The following DOCK9 variants were observed in gnomAD, a reference collection of about 807,000 sequenced individuals.
DOCK9 encodes the protein dedicator of cytokinesis protein 9.
In DOCK9, 89 loss-of-function variants were observed where a neutral mutation model predicts 263.3. The observed-to-expected ratio is 0.34, with a 90% CI of 0.28 to 0.40. The LOEUF is 0.40. Among genes scored for constraint, DOCK9 ranks in the 10% least tolerant of loss-of-function variants. The pLI is 1.00. For synonymous variants in DOCK9, 976 were observed against 973.1 expected, an observed-to-expected ratio of 1.00 and a Z score of -0.06; for missense variants, 2,140 against 2,603.4, an observed-to-expected ratio of 0.82 and a Z score of 3.87.
intron 18 of DOCK9, among the ~76,000 whole-genome samples, chr13:98,887,141 A>ATTTTTTTTTTTTTTTTTTTTTTTTT (rs1335567169): frequency 5.0e-5 from 3 of 59,618 alleles, no homozygotes; most frequent in Non-Finnish European, 8.9e-5. Flanking sequence ...ATATATATAT[A>ATTTTTTTTTTTTTTTTTTTTTTTTT]TATTTTTTTT....
chr13:98,904,602 T>C, intron 10 of DOCK9, 30 bp downstream of exon 10: 2 of 1,491,802 alleles, frequency 1.3e-6, no homozygotes, highest in South Asian at 1.3e-5. Flanking sequence ...ACATTTGGTT[T>C]TAAATATTAA....
intron 3 of DOCK9, among the ~76,000 whole-genome samples, chr13:98,927,282 C>T (rs776219461): frequency 7.9e-5 from 12 of 152,152 alleles, no homozygotes; most frequent in Non-Finnish European, 1.8e-4. Context: ...TTTTGAGTAT[C>T]ATACATTCAC....
intron 18 of DOCK9, among the ~76,000 whole-genome samples, chr13:98,887,143 A>ATTTTTTTTTTTT (rs58434344): frequency 3.1e-5 from 3 of 95,292 alleles, no homozygotes; most frequent in Non-Finnish European, 4.0e-5. Context: ...ATATATATAT[A>ATTTTTTTTTTTT]TTTTTTTTTT....
At chr13:99,021,414 T>C (rs1023706111) in intron 1 of DOCK9, among the ~76,000 whole-genome samples, 3 of 152,042 alleles carry the variant, frequency 2.0e-5, no homozygotes, top group African/African-American at 7.2e-5. Context: ...CCAAGGCGGA[T>C]GGATCACGAG....
chr13:98,976,852 G>A (rs1333106394), intron 1 of DOCK9, among the ~76,000 whole-genome samples: 1 of 152,050 alleles, frequency 6.6e-6, no homozygotes, highest in African/African-American at 2.4e-5. Flanking sequence ...GAAAGTTTAA[G>A]TTCAGATTCT....
intron 33 of DOCK9, chr13:98,859,109 C>T (rs562528679): frequency 2.8e-4 from 43 of 152,360 alleles, no homozygotes; most frequent in African/African-American, 9.9e-4. Flanking sequence ...ATCTGTCTGA[C>T]TTTAAAGCTA....
chr13:98,879,534 C>T (rs776893336), intron 27 of DOCK9, among the ~76,000 whole-genome samples: 10 of 152,252 alleles, frequency 6.6e-5, no homozygotes, highest in Non-Finnish European at 1.2e-4. Flanking sequence ...TTTCAACAAA[C>T]GTGAAGATTT....
chr13:98,917,620 T>A (rs2051095612), intron 7 of DOCK9, among the ~76,000 whole-genome samples: 1 of 149,848 alleles, frequency 6.7e-6, no homozygotes, highest in Non-Finnish European at 1.5e-5. Flanking sequence ...CAAATATACT[T>A]TCATGTATTT....
At chr13:98,975,169 A>C (rs528084863) in intron 1 of DOCK9, among the ~76,000 whole-genome samples, 2 of 152,284 alleles carry the variant, frequency 1.3e-5, no homozygotes, top group East Asian at 1.9e-4. Context: ...TCCTGAGGTC[A>C]GGAGTTCAAG....
intron 1 of DOCK9, among the ~76,000 whole-genome samples, chr13:99,007,744 G>A (rs758105717): frequency 5.3e-5 from 8 of 152,168 alleles, no homozygotes; most frequent in Non-Finnish European, 1.2e-4. Context: ...TGTGTTACTT[G>A]CCTAAGTATA....
At chr13:98,977,532 T>C (rs976457770) in intron 1 of DOCK9, among the ~76,000 whole-genome samples, 5 of 152,140 alleles carry the variant, frequency 3.3e-5, no homozygotes, top group African/African-American at 1.2e-4. Flanking sequence ...TTGTGAACAA[T>C]ACATAATTGT....
chr13:98,815,721 T>A (rs79772759), intron 45 of DOCK9, among the ~76,000 whole-genome samples: 5,202 of 152,240 alleles, frequency 0.034, 289 homozygotes, highest in African/African-American at 0.12. Flanking sequence ...CACCTTGTGA[T>A]CCACCCACCT....
intron 30 of DOCK9, among the ~76,000 whole-genome samples, chr13:98,865,735 C>G (rs2094001883): frequency 6.6e-6 from 1 of 152,124 alleles, no homozygotes; most frequent in Non-Finnish European, 1.5e-5. Flanking sequence ...GGAGACTGGG[C>G]TGAGGGAGGC....
In DOCK9 at chr13:98,809,415, G is replaced by T. The variant is rs180709699; in HGVS notation, c.5304C>A (p.Thr1768=). 6.2e-7 allele frequency: 1 copy of T among 1,613,304 alleles called. No homozygotes were observed. The highest frequency in any genetic ancestry group is 1.3e-5 in the African/African-American group (1 of 74,820). ...GCCTGCGGCCCGAGTGCATGACCTC[G>T]GTCACTTTGCTGTAGGCCCGGTGCA... ...DTLHRAYSKV[T]EVMHSGRRLL... The change falls in exon 47 of 53, where the codon ACC becomes ACA. Residue 1768 remains threonine, a synonymous_variant. Transcript: ENST00000682017.
At chr13:98,835,027 G>A (rs1594497702) in intron 39 of DOCK9, among the ~76,000 whole-genome samples, 2 of 152,302 alleles carry the variant, frequency 1.3e-5, no homozygotes, top group South Asian at 4.1e-4. Context: ...GGGATAATTC[G>A]ATCTACCAGG....
chr13:98,794,741 G>A lies in DOCK9; in HGVS notation c.6164C>T (p.Pro2055Leu). The A allele has an allele frequency of 6.2e-7, 1 of 1,613,930 alleles. No homozygotes were observed. The highest frequency in any genetic ancestry group is 8.5e-7 in the Non-Finnish European group (1 of 1,179,854). The stretch of plus-strand genomic sequence containing the variant: ...TAAGACGCTCGTCTTCTCCTCCAGG[G>A]GGCAGATCTTGAGGACAGAAACACA... ...LSEIMHEQICPLEEKTSVLPN... is the reference protein window; with the variant it reads ...LSEIMHEQICLLEEKTSVLPN... Residue 2055 changes from proline (P) to leucine (L), a missense_variant, in exon 53 of 53, where the codon CCC becomes CTC. By Grantham distance (98) the Pro-to-Leu change is moderately conservative. Around this residue, in one of 2 missense-constraint regions of DOCK9, gnomAD observed 619 missense variants for 861.8 expected, o/e 0.72. Coordinates refer to ENST00000682017, the MANE Select transcript of DOCK9 (RefSeq NM_001366683.2).
intron 1 of DOCK9, among the ~76,000 whole-genome samples, chr13:98,973,865 G>GGA (rs1359386553): frequency 2.0e-5 from 3 of 152,040 alleles, no homozygotes; most frequent in African/African-American, 7.3e-5. Flanking sequence ...TAAACTGCTG[G>GGA]GATTACAGAC....
At chr13:98,914,954 T>C (rs541734120) in intron 8 of DOCK9, among the ~76,000 whole-genome samples, 24 of 152,304 alleles carry the variant, frequency 1.6e-4, no homozygotes, top group Admixed American at 1.4e-3. Flanking sequence ...ATTTTCTTAT[T>C]TACACTTCCC....
chr13:99,024,124 C>T (rs1398343695), intron 1 of DOCK9, among the ~76,000 whole-genome samples: 1 of 152,184 alleles, frequency 6.6e-6, no homozygotes, highest in Non-Finnish European at 1.5e-5. Context: ...TCCATAAATG[C>T]TGATGCTGTA....
Sources: gnomAD v4.1 joint callset for allele counts (sites outside exome capture counted in the v4.1 genomes callset) on GRCh38, gnomAD v4.1.1 for gene constraint, gnomAD v4.1.1 regional missense constraint, MANE v1.5 for transcripts, NCBI Gene and HGNC (gene_info 2026-07-23, HGNC 2026-07-21) for gene names.